CCDC102A: variants seen among roughly 807,000 people sequenced by gnomAD.
CCDC102A encodes the protein coiled-coil domain-containing protein 102A.
CCDC102A carries 40 observed loss-of-function variants against 55.5 expected under a neutral mutation model. That is an observed-to-expected ratio of 0.72 (90% CI 0.56 to 0.94). CCDC102A has a LOEUF of 0.94. CCDC102A is among the 40% of genes least tolerant of loss of function. The pLI is 0.00. For synonymous variants in CCDC102A, 323 were observed against 339.0 expected, an observed-to-expected ratio of 0.95 and a Z score of 0.52; for missense variants, 779 against 768.6, an observed-to-expected ratio of 1.01 and a Z score of -0.16.
chr16:57,513,135 G>A (rs1370507989), intron 8 of CCDC102A, among the ~76,000 whole-genome samples: 1 of 152,226 alleles, frequency 6.6e-6, no homozygotes, highest in East Asian at 1.9e-4. Context: ...AGTGGGTGGT[G>A]CCAGAGCAGC....
chr16:57,527,366 G>A (rs1462531339), intron 2 of CCDC102A, among the ~76,000 whole-genome samples: 1 of 151,496 alleles, frequency 6.6e-6, no homozygotes, highest in Non-Finnish European at 1.5e-5. Context: ...GAGCCAGATT[G>A]TCCAGGTTCA....
At chr16:57,530,909 G>A (rs1159399987) in intron 1 of CCDC102A, among the ~76,000 whole-genome samples, 1 of 151,780 alleles carries the variant, frequency 6.6e-6, no homozygotes, top group African/African-American at 2.4e-5. Context: ...CCCTGTGACG[G>A]TGTGCCCTCT....
chr16:57,535,370 CATT>C (rs1477198406), intron 1 of CCDC102A, among the ~76,000 whole-genome samples: 2 of 152,130 alleles, frequency 1.3e-5, no homozygotes, highest in African/African-American at 4.8e-5. Context: ...CAGCCTGGAT[CATT>C]GATTTGAACT....
chr16:57,522,065 T>C (rs1256251196), intron 3 of CCDC102A, among the ~76,000 whole-genome samples: 13 of 152,254 alleles, frequency 8.5e-5, no homozygotes, highest in Non-Finnish European at 1.8e-4. Flanking sequence ...GGATGCATCC[T>C]GCATCCTACT....
chr16:57,534,367 C>T (rs1323036758), intron 1 of CCDC102A, among the ~76,000 whole-genome samples: 2 of 152,324 alleles, frequency 1.3e-5, no homozygotes, highest in African/African-American at 4.8e-5. Flanking sequence ...TTTGAGCTGA[C>T]ACTTGCTGCA....
In CCDC102A at chr16:57,529,758, C is replaced by G. The variant is rs76452737; in HGVS notation, c.-147-434G>C. 6.6e-6 allele frequency among the ~76,000 whole-genome samples: 1 copy of G among 152,164 alleles called. No individual in the cohort carries two copies. Among genetic ancestry groups the G allele is most frequent in the African/African-American group, 2.4e-5 (1 of 41,416 alleles). On this transcript the variant is annotated intron_variant, in intron 1 of 8. Transcript: ENST00000258214. The surrounding 1 kb of genome is among the most constrained non-coding windows in gnomAD (Gnocchi z 4.1). The stretch of plus-strand genomic sequence containing the variant: ...TCCTCCTGGAAGCCCTCCTGGAGCA[C>G]TTCAGGCCAGGTCCATCAGCCCCTT...
chr16:57,529,166 C>A lies in CCDC102A; in HGVS notation c.12G>T (p.Gly4=), dbSNP rs2032204746. The A allele has an allele frequency of 1.7e-6, 2 of 1,183,880 alleles. No individual in the cohort carries two copies. Among genetic ancestry groups the A allele is most frequent in the African/African-American group, 3.2e-5 (2 of 61,894 alleles). The allele number at this position is 1,183,880 out of a possible 1,614,324, so 73.3% of individuals were successfully genotyped here. A position where few individuals can be genotyped will look rare whatever the true frequency, so the allele number is the denominator to read the frequency against. MSH[G]PSPRLAESPQ... is the part of the protein sequence containing the mutation. ...GGGACTCGGCCAGCCGGGGGCTGGG[C>A]CCGTGGCTCATGGTGCGGCCGGGCG... is the stretch of plus-strand genomic sequence containing the variant. Residue 4 remains glycine, a synonymous_variant, in exon 2 of 9, where the codon GGG becomes GGT. Transcript: ENST00000258214. The surrounding 1 kb of genome is among the most constrained non-coding windows in gnomAD (Gnocchi z 4.1).
At chr16:57,524,438 A>T (rs1380629173) in intron 3 of CCDC102A, among the ~76,000 whole-genome samples, 2 of 152,190 alleles carry the variant, frequency 1.3e-5, no homozygotes, top group African/African-American at 4.8e-5. Context: ...CGCCAGAGGC[A>T]TGGTGGCACA....
intron 2 of CCDC102A, among the ~76,000 whole-genome samples, chr16:57,527,024 T>A (rs1426497899): frequency 6.6e-6 from 1 of 152,066 alleles, no homozygotes. Flanking sequence ...GACCGACAAC[T>A]GGAATAAGGA....
intron 1 of CCDC102A, among the ~76,000 whole-genome samples, chr16:57,532,706 CA>C (rs2032290350): frequency 8.1e-6 from 1 of 123,444 alleles, no homozygotes; most frequent in Admixed American, 7.8e-5. Flanking sequence ...CAGACACACA[CA>C]CACACACACA....
chr16:57,523,499 C>T (rs75125335), intron 3 of CCDC102A, among the ~76,000 whole-genome samples: 5,354 of 150,700 alleles, frequency 0.036, 142 homozygotes, highest in Non-Finnish European at 0.051. Flanking sequence ...TTTGAGACAG[C>T]GTCTCTCTCT....
In CCDC102A at chr16:57,525,928, G is replaced by T. The variant is rs145855529; in HGVS notation, c.785C>A (p.Ser262Tyr). ...TCGCTCCTTGAGCAGCACCTTCTGG[G>T]ACTCATCCAGCCGTAGCCGCAGGGC... ...LTALRLRLDE[S>Y]QKVLLKERED... Residue 262 changes from serine to tyrosine, a missense_variant, in exon 3 of 9, where the codon TCC (serine) becomes TAC (tyrosine). Coordinates refer to ENST00000258214, the MANE Select transcript of CCDC102A (RefSeq NM_033212.4). 6 of 1,612,452 alleles carry T rather than the reference G, an allele frequency of 3.7e-6. No individual in the cohort carries two copies. The highest frequency in any genetic ancestry group is 5.1e-6 in the Non-Finnish European group (6 of 1,179,504).
intron 4 of CCDC102A, among the ~76,000 whole-genome samples, chr16:57,520,561 C>T (rs1360963886): frequency 7.6e-6 from 1 of 130,876 alleles, no homozygotes; most frequent in African/African-American, 3.4e-5. Flanking sequence ...CATAACATAA[C>T]ATAACATAAC....
At chr16:57,536,829 G>A (rs536939596), upstream of CCDC102A, among the ~76,000 whole-genome samples, 1 of 151,998 alleles carries the variant, frequency 6.6e-6, no homozygotes, top group Non-Finnish European at 1.5e-5. Context: ...CGAGAGTTGC[G>A]GGGGGGCTCG....
At chr16:57,518,443 G>A (rs1328130303) in intron 5 of CCDC102A, among the ~76,000 whole-genome samples, 166 bp from the exon 6 acceptor site, 14 of 152,238 alleles carry the variant, frequency 9.2e-5, no homozygotes, top group African/African-American at 3.4e-4. Context: ...AGGATGTGAG[G>A]GCGCTTCTGG....
intron 6 of CCDC102A, among the ~76,000 whole-genome samples, chr16:57,517,382 T>C (rs2031973198): frequency 6.6e-6 from 1 of 152,200 alleles, no homozygotes; most frequent in South Asian, 2.1e-4. Flanking sequence ...GGAGTTTCTC[T>C]GTCACCCAGG....
chr16:57,514,069 A>G (rs1230968496), intron 8 of CCDC102A, among the ~76,000 whole-genome samples: 2 of 152,162 alleles, frequency 1.3e-5, no homozygotes, highest in East Asian at 3.9e-4. Flanking sequence ...CCTTTCTCTC[A>G]TAGAAGCAGC....
At position 57,529,032 on chromosome 16, in the gene CCDC102A, G is replaced by A; in HGVS notation, c.146C>T (p.Pro49Leu). 2 of 1,107,722 alleles carry A rather than the reference G, an allele frequency of 1.8e-6. No individual in the cohort carries two copies. The highest frequency in any genetic ancestry group is 2.2e-6 in the Non-Finnish European group (2 of 908,404). 68.6% of individuals were successfully genotyped at this position (1,107,722 alleles called of 1,614,324 possible). A position where few individuals can be genotyped will look rare whatever the true frequency, so the allele number is the denominator to read the frequency against. Residue 49 changes from proline to leucine, a missense_variant, in exon 2 of 9, where the codon CCC becomes CTC. Physicochemically the swap from Pro to Leu is moderately conservative, Grantham distance 98. Coordinates refer to ENST00000258214, the MANE Select transcript of CCDC102A (RefSeq NM_033212.4). The surrounding 1 kb of genome is among the most constrained non-coding windows in gnomAD (Gnocchi z 4.1). Reference protein sequence around the residue: ...PPTPPSGTPSPGPPPALPLPP... With the variant: ...PPTPPSGTPSLGPPPALPLPP... ...CAGGGGCAGTGCGGGCGGCGGCCCG[G>A]GCGAGGGCGTGCCGCTGGGCGGCGT...
intron 3 of CCDC102A, among the ~76,000 whole-genome samples, chr16:57,524,776 A>G (rs1357787017): frequency 9.2e-5 from 14 of 152,314 alleles, no homozygotes; most frequent in African/African-American, 3.4e-4. Context: ...TCTGGACAGA[A>G]AAACTGCAGA....
Sources: allele counts gnomAD v4.1 joint callset (sites outside exome capture counted in the v4.1 genomes callset), GRCh38; gene constraint gnomAD v4.1.1; non-coding constraint Gnocchi (gnomAD v3.1); transcripts MANE v1.5; gene names NCBI Gene and HGNC (gene_info 2026-07-23, HGNC 2026-07-21).